GPR158: variants seen among roughly 807,000 people sequenced by gnomAD.
GPR158 encodes metabotropic glycine receptor.
A neutral mutation model predicts 78.2 loss-of-function variants in GPR158; 30 were observed. The observed-to-expected ratio is 0.38, with a 90% confidence interval of 0.29 to 0.52. GPR158 has a LOEUF of 0.52. GPR158 is among the 20% of genes least tolerant of loss of function. The pLI is 0.83. For synonymous variants in GPR158, 581 were observed against 591.1 expected, an observed-to-expected ratio of 0.98 and a Z score of 0.25; for missense variants, 1,463 against 1,523.5, an observed-to-expected ratio of 0.96 and a Z score of 0.66.
chr10:25,270,053 A>C (rs1313735118), intron 2 of GPR158, among the ~76,000 whole-genome samples: 1 of 152,092 alleles, frequency 6.6e-6, no homozygotes, highest in Admixed American at 6.6e-5. Context: ...GTTCAAGGAC[A>C]AAGATTTTTG....
chr10:25,463,919 T>C (rs1426983091), intron 4 of GPR158, among the ~76,000 whole-genome samples: 1 of 152,172 alleles, frequency 6.6e-6, no homozygotes, highest in Non-Finnish European at 1.5e-5. Flanking sequence ...GGAGGAAATA[T>C]GTTGGGGAGC....
At chr10:25,467,194 T>C (rs1835437103) in intron 5 of GPR158, among the ~76,000 whole-genome samples, 1 of 152,152 alleles carries the variant, frequency 6.6e-6, no homozygotes, top group Non-Finnish European at 1.5e-5. Context: ...TGGTTGACAA[T>C]TGGTTGAATC....
chr10:25,182,024 G>A (rs947614327), intron 1 of GPR158, among the ~76,000 whole-genome samples: 7 of 151,876 alleles, frequency 4.6e-5, no homozygotes, highest in East Asian at 1.9e-4. Context: ...AGCCCAATGC[G>A]TTGCTTTAAC....
At chr10:25,222,898 G>A (rs1853319750) in intron 2 of GPR158, among the ~76,000 whole-genome samples, 1 of 152,150 alleles carries the variant, frequency 6.6e-6, no homozygotes, top group Middle Eastern at 3.2e-3. Flanking sequence ...GTTGCTGCTT[G>A]CTTCTAATAA....
In GPR158 at chr10:25,598,356, G is replaced by A. The variant is rs201167926; in HGVS notation, c.2730G>A (p.Lys910=). The change falls in exon 11 of 11, where the codon AAG becomes AAA. Residue 910 remains lysine (K), a synonymous_variant. Transcript: ENST00000376351. The stretch of plus-strand genomic sequence containing the variant: ...CTCTCAGTGTCATAGCAAGCGCCAA[G>A]GAGAAGACTCTTGGATTAGCTGGGA... ...QKSLSVIASA[K]EKTLGLAGKT... is the part of the protein sequence containing the mutation. 1.2e-6 allele frequency: 2 copies of A among 1,614,108 alleles called. No individual in the cohort carries two copies. The highest frequency in any genetic ancestry group is 2.2e-5 in the East Asian group (1 of 44,874).
intron 7 of GPR158, among the ~76,000 whole-genome samples, chr10:25,582,317 T>G (rs1247277741): frequency 6.6e-6 from 1 of 152,214 alleles, no homozygotes; most frequent in Admixed American, 6.5e-5. Context: ...CTTTAATGTG[T>G]ATCCATAAGC....
intron 5 of GPR158, among the ~76,000 whole-genome samples, chr10:25,484,757 T>C (rs1835709997): frequency 6.6e-6 from 1 of 152,198 alleles, no homozygotes; most frequent in African/African-American, 2.4e-5. Flanking sequence ...GGGCTCTTTC[T>C]GTCTCTTCCA....
chr10:25,212,627 CTTTTTT>C (rs10642944), intron 1 of GPR158, among the ~76,000 whole-genome samples: 1 of 78,578 alleles, frequency 1.3e-5, no homozygotes, highest in Admixed American at 1.7e-4. Flanking sequence ...GAATTTATAG[CTTTTTT>C]TTTTTTTTTT....
intron 7 of GPR158, among the ~76,000 whole-genome samples, chr10:25,584,697 C>T (rs1588923969): frequency 1.3e-5 from 2 of 152,156 alleles, no homozygotes; most frequent in Admixed American, 1.3e-4. Flanking sequence ...TCTTTTGTGC[C>T]AGGCACAGTA....
chr10:25,288,767 A>T (rs908164454), intron 2 of GPR158, among the ~76,000 whole-genome samples: 10 of 152,228 alleles, frequency 6.6e-5, no homozygotes, highest in Non-Finnish European at 1.5e-5. Flanking sequence ...ATTAATGAGT[A>T]CATTTGATTG....
intron 2 of GPR158, among the ~76,000 whole-genome samples, chr10:25,319,217 C>A (rs372836901): frequency 1.3e-5 from 2 of 152,266 alleles, no homozygotes; most frequent in Admixed American, 6.5e-5. Flanking sequence ...CACCAGAATT[C>A]TTTTCTGACC....
intron 2 of GPR158, among the ~76,000 whole-genome samples, chr10:25,301,971 AATCATACAGTATGT>A (rs1564415566): frequency 6.6e-6 from 1 of 152,108 alleles, no homozygotes; most frequent in Non-Finnish European, 1.5e-5. Context: ...ATGTAAGTAG[AATCATACAGTATGT>A]ATTTTTCTGT....
At chr10:25,329,667 A>C (rs1855090811) in intron 2 of GPR158, among the ~76,000 whole-genome samples, 1 of 151,856 alleles carries the variant, frequency 6.6e-6, no homozygotes, top group African/African-American at 2.4e-5. Flanking sequence ...TGGATATTAA[A>C]GGAAATAAAG....
intron 2 of GPR158, among the ~76,000 whole-genome samples, chr10:25,293,295 G>A (rs1418921866): frequency 3.3e-5 from 5 of 152,152 alleles, no homozygotes; most frequent in African/African-American, 1.2e-4. Flanking sequence ...TATGGAGTCA[G>A]GGGAAGGTAG....
chr10:25,497,094 C>T (rs1283932901), intron 5 of GPR158, among the ~76,000 whole-genome samples: 1 of 152,084 alleles, frequency 6.6e-6, no homozygotes, highest in African/African-American at 2.4e-5. Flanking sequence ...GAGCTCCAAG[C>T]ATATTTGGTG....
intron 4 of GPR158, among the ~76,000 whole-genome samples, chr10:25,452,892 C>A (rs1239266372): frequency 6.6e-6 from 1 of 152,134 alleles, no homozygotes; most frequent in African/African-American, 2.4e-5. Context: ...ACTTCCCCTG[C>A]CCTCTAGCCC....
At chr10:25,541,223 A>T (rs1024952794) in intron 5 of GPR158, among the ~76,000 whole-genome samples, 1 of 151,966 alleles carries the variant, frequency 6.6e-6, no homozygotes, top group African/African-American at 2.4e-5. Flanking sequence ...GGACTTGCCA[A>T]TCATAATTCC....
At chr10:25,583,721 A>G (rs1487686137) in intron 7 of GPR158, among the ~76,000 whole-genome samples, 1 of 152,188 alleles carries the variant, frequency 6.6e-6, no homozygotes, top group Non-Finnish European at 1.5e-5. Flanking sequence ...ATAGAAGAGG[A>G]CATTAAAAGA....
At chr10:25,489,685 C>T (rs1016471497) in intron 5 of GPR158, among the ~76,000 whole-genome samples, 3 of 152,088 alleles carry the variant, frequency 2.0e-5, no homozygotes, top group Non-Finnish European at 2.9e-5. Flanking sequence ...AGACTGCTGC[C>T]TTCCCTTCAG....
Sources: allele counts gnomAD v4.1 joint callset (sites outside exome capture counted in the v4.1 genomes callset), GRCh38; gene constraint gnomAD v4.1.1; transcripts MANE v1.5; gene names NCBI Gene and HGNC (gene_info 2026-07-23, HGNC 2026-07-21).